Variants in CTDSPL observed in about 807,000 individuals in gnomAD.
CTDSPL encodes the protein CTD small phosphatase like, also known as CTD small phosphatase-like protein.
Under a neutral mutation model 30.5 loss-of-function variants are expected in CTDSPL, and 8 were observed. The observed-to-expected ratio is 0.26, with a 90% CI of 0.15 to 0.47. CTDSPL has a LOEUF of 0.47. Ranked by LOEUF, CTDSPL falls within the 20% of genes least tolerant of loss-of-function variation. CTDSPL has a pLI of 0.99. For synonymous variants in CTDSPL, 110 were observed against 137.9 expected (o/e 0.80, Z 1.42); for missense variants, 248 against 366.1 (o/e 0.68, Z 2.63).
At chr3:37,924,803 A>T (rs1164029910) in intron 1 of CTDSPL, among the ~76,000 whole-genome samples, 1 of 152,148 alleles carries the variant, frequency 6.6e-6, no homozygotes, top group Non-Finnish European at 1.5e-5. Context: ...AGCTCTACCC[A>T]GCTAATTTTG....
At chr3:37,912,156 G>A (rs1158639778) in intron 1 of CTDSPL, among the ~76,000 whole-genome samples, 1 of 152,234 alleles carries the variant, frequency 6.6e-6, no homozygotes, top group African/African-American at 2.4e-5. Context: ...TTTGGAGGGA[G>A]TGAGGGGACC....
chr3:37,924,236 T>C (rs1008531892), intron 1 of CTDSPL, among the ~76,000 whole-genome samples: 1 of 152,266 alleles, frequency 6.6e-6, no homozygotes, highest in Non-Finnish European at 1.5e-5. Context: ...GTCCTGTTTA[T>C]ATGATGAAAA....
chr3:37,960,441 T>C lies in CTDSPL; in HGVS notation c.267+3298T>C, dbSNP rs187295435. On this transcript the variant is annotated intron_variant, in intron 3 of 7. Coordinates refer to ENST00000273179, the MANE Select transcript of CTDSPL (RefSeq NM_001008392.2). ...GTTGCGGTGTGCTGAGATCATGCCA[T>C]TGCACTCCAGCCTGGGCAACAAGAG... Among the ~76,000 whole-genome samples, 221 of 97,450 alleles carry C rather than the reference T, an allele frequency of 2.3e-3. 2 individuals carry two copies. Among genetic ancestry groups the C allele is most frequent in the East Asian group, 1.7e-3 (5 of 2,900 alleles). 63.9% of individuals were successfully genotyped at this position (97,450 alleles called of 152,430 possible).
intron 2 of CTDSPL, 49 bp from the exon 3 acceptor site, chr3:37,957,062 T>C (rs1172541689): frequency 2.6e-6 from 4 of 1,513,482 alleles, no homozygotes; most frequent in Non-Finnish European, 3.6e-6. Flanking sequence ...TTTGAGAATA[T>C]GATCTTCTCT....
intron 5 of CTDSPL, among the ~76,000 whole-genome samples, chr3:37,968,884 G>C (rs1699331140): frequency 6.6e-6 from 1 of 152,162 alleles, no homozygotes; most frequent in Non-Finnish European, 1.5e-5. Context: ...CCTGGCCCAG[G>C]GCTCTTTTCC....
intron 2 of CTDSPL, among the ~76,000 whole-genome samples, chr3:37,952,197 CAG>C (rs1014510904): frequency 1.3e-5 from 2 of 150,426 alleles, no homozygotes; most frequent in African/African-American, 4.9e-5. Context: ...AAAAAAGAAA[CAG>C]AAAGAAGGAA....
chr3:37,972,325 C>T (rs1222426226), intron 6 of CTDSPL, among the ~76,000 whole-genome samples: 1 of 152,168 alleles, frequency 6.6e-6, no homozygotes, highest in East Asian at 1.9e-4. Flanking sequence ...GGTGAAATCC[C>T]GTCTCAAAAT....
At chr3:37,980,219 GACTTTT>G (rs1699474430) in intron 7 of CTDSPL, among the ~76,000 whole-genome samples, 1 of 152,132 alleles carries the variant, frequency 6.6e-6, no homozygotes, top group Non-Finnish European at 1.5e-5. Context: ...TGCAATTTTA[GACTTTT>G]ACTTTTAACT....
At chr3:37,910,483 G>A (rs9839654) in intron 1 of CTDSPL, among the ~76,000 whole-genome samples, 37,115 of 151,512 alleles carry the variant, frequency 0.24, 6,227 homozygotes, top group African/African-American at 0.48. Flanking sequence ...CTCTATCTCA[G>A]AACAACAACA....
At chr3:37,938,106 C>T (rs1002254078) in intron 1 of CTDSPL, among the ~76,000 whole-genome samples, 8 of 150,166 alleles carry the variant, frequency 5.3e-5, no homozygotes, top group African/African-American at 1.2e-4. Flanking sequence ...ACATTTCCAC[C>T]TACATTCCAG....
chr3:37,864,104 C>T (rs1697979206), intron 1 of CTDSPL, among the ~76,000 whole-genome samples: 1 of 152,102 alleles, frequency 6.6e-6, no homozygotes, highest in Non-Finnish European at 1.5e-5. Flanking sequence ...AGGTTTGCTT[C>T]CTGTGCTCCT....
intron 3 of CTDSPL, among the ~76,000 whole-genome samples, chr3:37,963,241 CG>C (rs1226242836): frequency 6.6e-6 from 1 of 152,204 alleles, no homozygotes; most frequent in African/African-American, 2.4e-5. Flanking sequence ...TGTCTCCACA[CG>C]TAGCCTCTTC....
intron 1 of CTDSPL, among the ~76,000 whole-genome samples, chr3:37,913,084 G>T (rs942043400): frequency 6.6e-6 from 1 of 152,172 alleles, no homozygotes; most frequent in African/African-American, 2.4e-5. Flanking sequence ...GCTTTGGGAG[G>T]CTGAGGCAGG....
chr3:37,882,489 C>T (rs1367018454), intron 1 of CTDSPL, among the ~76,000 whole-genome samples: 1 of 148,750 alleles, frequency 6.7e-6, no homozygotes, highest in Non-Finnish European at 1.5e-5. Context: ...CAGTGGTGCA[C>T]ACCTGTAAAC....
intron 1 of CTDSPL, among the ~76,000 whole-genome samples, chr3:37,881,021 C>CAAAAA (rs200179594): frequency 1.2e-5 from 1 of 84,226 alleles, no homozygotes. Flanking sequence ...TGAGGGGGAC[C>CAAAAA]AAAAAAAAAA....
chr3:37,908,039 G>T (rs1324076825), intron 1 of CTDSPL, among the ~76,000 whole-genome samples: 1 of 152,222 alleles, frequency 6.6e-6, no homozygotes, highest in Non-Finnish European at 1.5e-5. Flanking sequence ...AGTTCAGTTT[G>T]CATGGGCTTC....
At chr3:37,893,328 T>G (rs953600555) in intron 1 of CTDSPL, among the ~76,000 whole-genome samples, 3 of 152,186 alleles carry the variant, frequency 2.0e-5, no homozygotes, top group Non-Finnish European at 4.4e-5. Flanking sequence ...TAATCTTTCT[T>G]TGAACAAAAA....
intron 1 of CTDSPL, among the ~76,000 whole-genome samples, chr3:37,871,331 T>G (rs748511219): frequency 1.4e-4 from 21 of 152,376 alleles, no homozygotes; most frequent in Non-Finnish European, 2.5e-4. Context: ...ATAGTCTGTA[T>G]GTACCACAGT....
intron 3 of CTDSPL, among the ~76,000 whole-genome samples, chr3:37,960,535 T>TACACACACAC (rs71288085): frequency 0.019 from 312 of 16,252 alleles, 13 homozygotes; most frequent in Non-Finnish European, 0.027. Flanking sequence ...TATATATATA[T>TACACACACAC]ACACACACAC....
Sources: allele counts gnomAD v4.1 joint callset (sites outside exome capture counted in the v4.1 genomes callset), GRCh38; gene constraint gnomAD v4.1.1; transcripts MANE v1.5; gene names NCBI Gene and HGNC (gene_info 2026-07-23, HGNC 2026-07-21).